Variants in PITPNB observed in about 807,000 individuals in gnomAD.
PITPNB encodes phosphatidylinositol transfer protein beta isoform.
Under a neutral mutation model 45.9 loss-of-function variants are expected in PITPNB, and 16 were observed. The ratio of observed to expected loss-of-function variants is 0.35; its 90% CI spans 0.24 to 0.53. The LOEUF (loss-of-function observed/expected upper bound fraction) is 0.53. Ranked by LOEUF, PITPNB falls within the 20% of genes least tolerant of loss-of-function variation. The pLI is 0.93. For missense variants in PITPNB, 188 were observed against 330.5 expected, an observed-to-expected ratio of 0.57 and a Z score of 3.34; for synonymous variants, 112 against 108.9, an observed-to-expected ratio of 1.03 and a Z score of -0.18.
chr22:27,904,735 G>A (rs921294815), intron 3 of PITPNB, among the ~76,000 whole-genome samples: 1 of 152,114 alleles, frequency 6.6e-6, no homozygotes, highest in Admixed American at 6.5e-5. Context: ...TAACAGTAAT[G>A]ATGGAGATGG....
intron 8 of PITPNB, among the ~76,000 whole-genome samples, chr22:27,861,859 G>A (rs1934343977): frequency 6.6e-6 from 1 of 152,196 alleles, no homozygotes; most frequent in African/African-American, 2.4e-5. Context: ...ATACACATTA[G>A]TTCTCTCTTT....
Position 27,852,120 on chromosome 22 carries a change from T to G in PITPNB, c.*1582A>C, listed in dbSNP as rs1431071405. 6.6e-6 allele frequency: 1 copy of G among 152,192 alleles called. No homozygotes were observed. Among genetic ancestry groups the G allele is most frequent in the Non-Finnish European group, 1.5e-5 (1 of 68,034 alleles). The allele number at this position is 152,192 out of a possible 1,614,324, so 9.4% of individuals were successfully genotyped here. ...ATGCAGTAGTGATCCTACACATCCTTCCTTGTCTGATTCACTGAAATCACT... is the reference window on the plus strand; with the variant it reads ...ATGCAGTAGTGATCCTACACATCCTGCCTTGTCTGATTCACTGAAATCACT... On this transcript the variant is annotated 3_prime_UTR_variant, in exon 12 of 12. Coordinates refer to ENST00000335272, the MANE Select transcript of PITPNB (RefSeq NM_012399.5).
intron 3 of PITPNB, among the ~76,000 whole-genome samples, chr22:27,908,302 T>C (rs1935822756): frequency 6.9e-6 from 1 of 145,680 alleles, no homozygotes; most frequent in South Asian, 2.3e-4. Context: ...AGGTGATAAA[T>C]ATTCTCAACA....
At chr22:27,905,215 T>C (rs1935721601) in intron 3 of PITPNB, among the ~76,000 whole-genome samples, 1 of 152,232 alleles carries the variant, frequency 6.6e-6, no homozygotes, top group Non-Finnish European at 1.5e-5. Flanking sequence ...AATCATTATC[T>C]TGGCTCACTG....
intron 9 of PITPNB, among the ~76,000 whole-genome samples, chr22:27,859,007 G>C (rs1217626150): frequency 6.6e-6 from 1 of 152,066 alleles, no homozygotes; most frequent in Non-Finnish European, 1.5e-5. Context: ...TACACAACAT[G>C]TTGCTGCCAC....
At position 27,853,280 on chromosome 22, in the gene PITPNB, GCAGT is replaced by G. The variant is rs1934078442; in HGVS notation, c.*418_*421del. 3.9e-6 allele frequency: 1 copy of G among 254,068 alleles called. No individual in the cohort carries two copies. Among genetic ancestry groups the G allele is most frequent in the African/African-American group, 2.2e-5 (1 of 45,096 alleles). The allele number at this position is 254,068 out of a possible 1,614,324, so 15.7% of individuals were successfully genotyped here. On this transcript the variant is annotated 3_prime_UTR_variant, in exon 12 of 12. Transcript: ENST00000335272. ...GAAACATACCAGCTAGTATTACATT[GCAGT>G]CAATTTGTCCATTAATGGTATTACT...
chr22:27,913,949 C>A (rs1198164330), intron 2 of PITPNB, among the ~76,000 whole-genome samples: 1 of 152,168 alleles, frequency 6.6e-6, no homozygotes, highest in African/African-American at 2.4e-5. Flanking sequence ...GGTTCAAACA[C>A]AAATGTTTAA....
chr22:27,876,922 T>A (rs1445374770), intron 7 of PITPNB, among the ~76,000 whole-genome samples: 1 of 152,212 alleles, frequency 6.6e-6, no homozygotes, highest in Non-Finnish European at 1.5e-5. Flanking sequence ...CATGGTTTAT[T>A]GTGCTTGCCA....
chr22:27,906,690 C>T (rs1601425358), intron 3 of PITPNB, among the ~76,000 whole-genome samples: 1 of 152,132 alleles, frequency 6.6e-6, no homozygotes, highest in Non-Finnish European at 1.5e-5. Flanking sequence ...GACCAGCACA[C>T]AGTAAAAATA....
At chr22:27,880,708 C>T (rs531161766) in intron 7 of PITPNB, among the ~76,000 whole-genome samples, 8 of 152,168 alleles carry the variant, frequency 5.3e-5, no homozygotes, top group South Asian at 4.2e-4. Flanking sequence ...CTACAACCTC[C>T]GCCTCCCAGG....
In PITPNB at chr22:27,914,367, AAT is replaced by A; in HGVS notation, c.21-22_21-21del. 1 of 1,497,958 alleles carries A rather than the reference AAT, an allele frequency of 6.7e-7. No individual in the cohort carries two copies. Among genetic ancestry groups the A allele is most frequent in the Non-Finnish European group, 9.2e-7 (1 of 1,081,482 alleles). The allele number at this position is 1,497,958 out of a possible 1,614,324, so 92.8% of individuals were successfully genotyped here. A position where few individuals can be genotyped will look rare whatever the true frequency, so the allele number is the denominator to read the frequency against. ...ACACGGCTAAAAAGACAAAAGAAAA[AAT>A]ATATATATTACATATGAAATAGCTT... On this transcript the variant is annotated intron_variant, in intron 1 of 11. Transcript: ENST00000335272.
At chr22:27,893,078 C>G (rs139736150) in intron 7 of PITPNB, among the ~76,000 whole-genome samples, 24 of 152,168 alleles carry the variant, frequency 1.6e-4, no homozygotes, top group African/African-American at 4.8e-4. Context: ...TGGAAAGGGA[C>G]GCCTACTGAA....
intron 8 of PITPNB, among the ~76,000 whole-genome samples, chr22:27,873,094 C>T (rs1455874441): frequency 1.3e-5 from 2 of 152,118 alleles, no homozygotes; most frequent in Non-Finnish European, 2.9e-5. Flanking sequence ...ATGGAGAAAC[C>T]CCGTCTCCAC....
intron 7 of PITPNB, among the ~76,000 whole-genome samples, chr22:27,887,587 C>T (rs1275602434): frequency 6.6e-6 from 1 of 152,038 alleles, no homozygotes; most frequent in Non-Finnish European, 1.5e-5. Context: ...AACAGGCGAC[C>T]CAATCCATGG....
At chr22:27,889,215 A>C (rs966089940) in intron 7 of PITPNB, among the ~76,000 whole-genome samples, 1 of 152,218 alleles carries the variant, frequency 6.6e-6, no homozygotes, top group Non-Finnish European at 1.5e-5. Context: ...TGTGAAGCAC[A>C]GTCTAAATGC....
At chr22:27,907,446 C>T (rs1935797828) in intron 3 of PITPNB, among the ~76,000 whole-genome samples, 1 of 152,210 alleles carries the variant, frequency 6.6e-6, no homozygotes, top group African/African-American at 2.4e-5. Flanking sequence ...TAGCCATTCC[C>T]TCCTCCAGAG....
At chr22:27,870,053 T>C (rs560336015) in intron 8 of PITPNB, among the ~76,000 whole-genome samples, 2 of 152,306 alleles carry the variant, frequency 1.3e-5, no homozygotes, top group East Asian at 3.9e-4. Flanking sequence ...TACAGAACGG[T>C]GATCTAGGAG....
At chr22:27,912,659 A>C (rs1357224139) in intron 2 of PITPNB, among the ~76,000 whole-genome samples, 1 of 151,966 alleles carries the variant, frequency 6.6e-6, no homozygotes, top group African/African-American at 2.4e-5. Context: ...AAAAAGAATA[A>C]GAAATAGACA....
rs1935080501 is a variant in PITPNB at position 27,885,119 on chromosome 22, C to T, written c.456+9436G>A. ...AGCTTACACTTTAAAGAGTCTTCCT[C>T]TCCCGGGAAGTGACTTTTGTATATA... On this transcript the variant is annotated intron_variant, in intron 7 of 11. Coordinates refer to ENST00000335272, the MANE Select transcript of PITPNB (RefSeq NM_012399.5). Among the ~76,000 whole-genome samples, 4 of 146,906 alleles carry T rather than the reference C, an allele frequency of 2.7e-5. No individual in the cohort carries two copies. The Admixed American group carries it at 2.8e-4, about 10-fold the overall frequency.
Sources: gnomAD v4.1 joint callset for allele counts (sites outside exome capture counted in the v4.1 genomes callset) on GRCh38, gnomAD v4.1.1 for gene constraint, MANE v1.5 for transcripts, NCBI Gene and HGNC (gene_info 2026-07-23, HGNC 2026-07-21) for gene names.